The following CYP4F11 variants were observed in gnomAD, a reference collection of about 807,000 sequenced individuals.
CYP4F11 encodes cytochrome P450 family 4 subfamily F member 11.
In CYP4F11, 79 loss-of-function variants were observed where a neutral mutation model predicts 62.2. The ratio of observed to expected loss-of-function variants is 1.27; its 90% CI spans 1.06 to 1.53. The LOEUF is 1.53. Among genes scored for constraint, CYP4F11 ranks in the 40% most tolerant of loss-of-function variants. CYP4F11 has a pLI of 0.00. For missense variants in CYP4F11, 777 were observed against 680.5 expected, an observed-to-expected ratio of 1.14 and a Z score of -1.58; for synonymous variants, 290 against 263.7, an observed-to-expected ratio of 1.10 and a Z score of -0.97.
chr19:15,922,565 T>C (rs554708109), intron 6 of CYP4F11, 135 bp from the exon 7 acceptor site: 1 of 889,482 alleles, frequency 1.1e-6, no homozygotes, highest in South Asian at 1.5e-5. Context: ...CCTAGATGTC[T>C]CTTGGTCACC....
chr19:15,914,144 C>A (rs547899513), intron 11 of CYP4F11, among the ~76,000 whole-genome samples, 161 bp downstream of exon 11: 20 of 152,272 alleles, frequency 1.3e-4, no homozygotes, highest in Admixed American at 7.8e-4. Flanking sequence ...ACACCGCAGA[C>A]CCCTCTAGGA....
chr19:15,930,744 TGGACAGCAGTGTGGCCTCA>T lies in CYP4F11; in HGVS notation c.199-1162_199-1144del, dbSNP rs372265636. Among the ~76,000 whole-genome samples, 80 of 152,292 alleles carry T rather than the reference TGGACAGCAGTGTGGCCTCA, an allele frequency of 5.3e-4. 1 individual carries two copies. Among genetic ancestry groups the T allele is most frequent in the Middle Eastern group, 6.8e-3 (2 of 294 alleles). On this transcript the variant is annotated intron_variant, in intron 1 of 11. Coordinates refer to ENST00000402119, the MANE Select transcript of CYP4F11 (RefSeq NM_021187.4). ...AAAAGTCCGCATGGAAGGAGGTCTG[TGGACAGCAGTGTGGCCTCA>T]GGACATGTCCCTGAGGCTGGTTCCT...
rs59091525 is a variant in CYP4F11 at position 15,912,680 on chromosome 19, A to AAAAAAAAAAAT, written c.*1051_*1052insATTTTTTTTTT. 10 of 66,170 alleles carry AAAAAAAAAAAT rather than the reference A, an allele frequency of 1.5e-4. 1 individual carries two copies. Among genetic ancestry groups the AAAAAAAAAAAT allele is most frequent in the African/African-American group, 1.9e-4 (3 of 15,508 alleles). 4.1% of individuals were successfully genotyped at this position (66,170 alleles called of 1,614,324 possible). A position where few individuals can be genotyped will look rare whatever the true frequency, so the allele number is the denominator to read the frequency against. ...TCACCATCCTCAGGAAAAAAAAAAA[A>AAAAAAAAAAAT]ATATATATATATATATATGTGTGTG... On this transcript the variant is annotated 3_prime_UTR_variant, in exon 12 of 12. Coordinates refer to ENST00000402119, the MANE Select transcript of CYP4F11 (RefSeq NM_021187.4).
In CYP4F11 at chr19:15,914,673, G is replaced by A. The variant is rs757584371; in HGVS notation, c.1250-7C>T. 1.9e-6 allele frequency: 3 copies of A among 1,614,224 alleles called. No individual in the cohort carries two copies. Among genetic ancestry groups the A allele is most frequent in the East Asian group, 2.2e-5 (1 of 44,884 alleles). ...TTGATGAGGCAGACAATGCCTGTGG[G>A]AGAGAAGAGGGCAGTCAGGACAAGG... is the stretch of plus-strand genomic sequence containing the variant. On this transcript the variant is annotated splice_polypyrimidine_tract_variant and splice_region_variant and intron_variant, in intron 9 of 11. Transcript: ENST00000402119.
At position 15,923,850 on chromosome 19, in the gene CYP4F11, T is replaced by C. The variant is rs2089648073; in HGVS notation, c.880A>G (p.Lys294Glu). 6.2e-7 allele frequency: 1 copy of C among 1,614,092 alleles called. No homozygotes were observed. Among genetic ancestry groups the C allele is most frequent in the African/African-American group, 1.3e-5 (1 of 74,940 alleles). The change falls in exon 6 of 12, where the codon AAG (lysine) becomes GAG (glutamate). Residue 294 changes from lysine to glutamate, a missense_variant. Transcript: ENST00000402119. ...DDFLKNKAKS[K>E]TLDFIDVLLL... is the part of the protein sequence containing the mutation. Reference sequence around the variant, plus strand: ...AGCACATCAATGAAGTCTAAAGTCTTGGACTTTGCCTTGTTCTTGAGGAAA... The same window carrying C: ...AGCACATCAATGAAGTCTAAAGTCTCGGACTTTGCCTTGTTCTTGAGGAAA...
In CYP4F11 at chr19:15,934,269, C is replaced by A; in HGVS notation, c.140G>T (p.Arg47Leu). 2 of 1,613,746 alleles carry A rather than the reference C, an allele frequency of 1.2e-6. No individual in the cohort carries two copies. Among genetic ancestry groups the A allele is most frequent in the Non-Finnish European group, 1.7e-6 (2 of 1,179,782 alleles). ...CGGGGGTTGAGGAAAACACTGGAGG[C>A]GGCGGCAGTTGTCATAGAAGGTGTA... The part of the protein sequence containing the change: ...WTYTFYDNCR[R>L]LQCFPQPPKQ... Residue 47 changes from arginine to leucine, a missense_variant, in exon 1 of 12, where the codon CGC (arginine) becomes CTC (leucine). Coordinates refer to ENST00000402119, the MANE Select transcript of CYP4F11 (RefSeq NM_021187.4).
At chr19:15,923,465 C>A (rs950896021) in intron 6 of CYP4F11, among the ~76,000 whole-genome samples, 3 of 152,178 alleles carry the variant, frequency 2.0e-5, no homozygotes, top group Non-Finnish European at 4.4e-5. Flanking sequence ...TACAATCCTA[C>A]TCTGGTTGCT....
chr19:15,929,586 C>T lies in CYP4F11; in HGVS notation c.214G>A (p.Glu72Lys). The part of the protein sequence containing the change: ...GHQGLVTPTE[E>K]GMKTLTQLVT... ...AGCTGGGTCAATGTCTTCATGCCCTCTTCCGTGGGAGTGACCTGAAAACAA... is the reference window on the plus strand; with the variant it reads ...AGCTGGGTCAATGTCTTCATGCCCTTTTCCGTGGGAGTGACCTGAAAACAA... Residue 72 changes from glutamate to lysine, a missense_variant, in exon 2 of 12, where the codon GAG (glutamate) becomes AAG (lysine). Physicochemically the swap from Glu to Lys is moderately conservative, Grantham distance 56 (BLOSUM62 1). Coordinates refer to ENST00000402119, the MANE Select transcript of CYP4F11 (RefSeq NM_021187.4). 6.2e-7 allele frequency: 1 copy of T among 1,604,474 alleles called. No homozygotes were observed. The highest frequency in any genetic ancestry group is 8.5e-7 in the Non-Finnish European group (1 of 1,174,474).
Position 15,934,386 on chromosome 19 carries a change from C to T in CYP4F11, c.23G>A (p.Trp8Ter). The change falls in exon 1 of 12, where the codon TGG becomes TAG. Residue 8 changes from tryptophan (W) to a stop codon, truncating the protein, a stop_gained. Coordinates refer to ENST00000402119, the MANE Select transcript of CYP4F11 (RefSeq NM_021187.4). LOFTEE classifies it high-confidence loss of function. Reference protein sequence around the residue: MPQLSLSWLGLGPVAASP... With the variant: MPQLSLS ...TGCTGCCACGGGCCCGAGGCCCAGC[C>T]AGGACAGGCTCAGCTGCGGCATCCT... 6.2e-7 allele frequency: 1 copy of T among 1,613,362 alleles called. No homozygotes were observed. The highest frequency in any genetic ancestry group is 8.5e-7 in the Non-Finnish European group (1 of 1,179,710).
In CYP4F11 at chr19:15,924,743, T is replaced by C; in HGVS notation, c.647+18A>G. 2 of 1,605,246 alleles carry C rather than the reference T, an allele frequency of 1.2e-6. No individual in the cohort carries two copies. The highest frequency in any genetic ancestry group is 1.7e-6 in the Non-Finnish European group (2 of 1,174,386). ...TGGGTTCCAGGCCCAAGTTCTCAGG[T>C]CCTAGGAAAGGACTCACTCCTGACA... On this transcript the variant is annotated intron_variant, in intron 5 of 11. Transcript: ENST00000402119.
intron 8 of CYP4F11, among the ~76,000 whole-genome samples, chr19:15,920,960 C>G (rs865932351): frequency 6.6e-6 from 1 of 151,612 alleles, no homozygotes; most frequent in African/African-American, 2.4e-5. Context: ...CTTCTCCCTC[C>G]CCCTGCACAC....
Position 15,913,465 on chromosome 19 carries a change from C to G in CYP4F11, c.*267G>C, listed in dbSNP as rs909050445. 4.7e-5 allele frequency: 23 copies of G among 488,688 alleles called. No individual in the cohort carries two copies. The South Asian group carries it at 4.7e-4, about 10-fold the overall frequency. The allele number at this position is 488,688 out of a possible 1,614,324, so 30.3% of individuals were successfully genotyped here. ...TGTTCCCTCTCCTGCTCAAACACCT[C>G]CCAGGGCTCCCTACTGCCCACAGGA... is the stretch of plus-strand genomic sequence containing the variant. On this transcript the variant is annotated 3_prime_UTR_variant, in exon 12 of 12. Coordinates refer to ENST00000402119, the MANE Select transcript of CYP4F11 (RefSeq NM_021187.4).
chr19:15,919,826 G>A (rs2089612225), intron 8 of CYP4F11, among the ~76,000 whole-genome samples: 1 of 152,160 alleles, frequency 6.6e-6, no homozygotes, highest in African/African-American at 2.4e-5. Flanking sequence ...CCAGGCACAA[G>A]AAGACAAATA....
rs1430863082 is a variant in CYP4F11, at chr19:15,923,829, C to T, written c.901G>A (p.Val301Met). ...AKSKTLDFID[V>M]LLLSKDEDGK... The stretch of plus-strand genomic sequence containing the variant: ...AAGCCTACCTTGCTCAGCAGAAGCA[C>T]ATCAATGAAGTCTAAAGTCTTGGAC... The change falls in exon 6 of 12, where the codon GTG becomes ATG. Residue 301 changes from valine to methionine, a missense_variant. Transcript: ENST00000402119. 4 of 1,613,586 alleles carry T rather than the reference C, an allele frequency of 2.5e-6. No homozygotes were observed. The highest frequency in any genetic ancestry group is 4.5e-5 in the East Asian group (2 of 44,866).
chr19:15,924,218 C>T, intron 5 of CYP4F11, 136 bp from the exon 6 acceptor site: 2 of 1,119,906 alleles, frequency 1.8e-6, no homozygotes, highest in South Asian at 1.6e-5. Flanking sequence ...ACTCTCTTCT[C>T]TGAGGCATTC....
In CYP4F11 at chr19:15,929,726, T is replaced by A. The variant is rs2089697046; in HGVS notation, c.199-125A>T. 2.7e-6 allele frequency: 3 copies of A among 1,091,554 alleles called. No individual in the cohort carries two copies. In the South Asian group the frequency reaches 4.7e-5, roughly 17 times the overall value. The allele number at this position is 1,091,554 out of a possible 1,614,324, so 67.6% of individuals were successfully genotyped here. A position where few individuals can be genotyped will look rare whatever the true frequency, so the allele number is the denominator to read the frequency against. On this transcript the variant is annotated intron_variant, in intron 1 of 11. Coordinates refer to ENST00000402119, the MANE Select transcript of CYP4F11 (RefSeq NM_021187.4). ...TAAAACATGCTGGTAAAACATTATT[T>A]CTGGATGTGTCCATCGGTGTATTTC...
intron 9 of CYP4F11, 40 bp from the exon 10 acceptor site, chr19:15,914,706 G>A: frequency 3.1e-6 from 5 of 1,614,032 alleles, no homozygotes; most frequent in Non-Finnish European, 4.2e-6. Flanking sequence ...AGGCCCCCCT[G>A]CCTGAGGGAC....
At chr19:15,918,392 G>A (rs886490760) in intron 8 of CYP4F11, among the ~76,000 whole-genome samples, 4 of 151,934 alleles carry the variant, frequency 2.6e-5, no homozygotes, top group African/African-American at 9.7e-5. Flanking sequence ...TATGGCACAC[G>A]TTTACCTATG....
rs567208540 is a variant in CYP4F11 at position 15,934,311 on chromosome 19, C to A, written c.98G>T (p.Arg33Leu). The change falls in exon 1 of 12, where the codon CGC becomes CTC. Residue 33 changes from arginine (R) to leucine (L), a missense_variant. Arg to Leu is a moderately radical substitution (Grantham distance 102). Coordinates refer to ENST00000402119, the MANE Select transcript of CYP4F11 (RefSeq NM_021187.4). ...GAAGGTGTAGGTCCAGGCCAGGACG[C>A]GGGCCAGGAGCCAGGAGCCTCCAAC... Reference protein sequence around the residue: ...LLVGGSWLLARVLAWTYTFYD... With the variant: ...LLVGGSWLLALVLAWTYTFYD... 4 of 1,613,348 alleles carry A rather than the reference C, an allele frequency of 2.5e-6. No individual in the cohort carries two copies. In the African/African-American group the frequency reaches 4.0e-5, roughly 16 times the overall value.
Sources: allele counts gnomAD v4.1 joint callset (sites outside exome capture counted in the v4.1 genomes callset), GRCh38; gene constraint gnomAD v4.1.1; transcripts MANE v1.5; gene names NCBI Gene and HGNC (gene_info 2026-07-23, HGNC 2026-07-21).